Variants in AGAP1 observed in about 807,000 individuals in gnomAD.
AGAP1 encodes the protein ArfGAP with GTPase domain, ankyrin repeat and PH domain 1.
In AGAP1, 29 loss-of-function variants were observed where a neutral mutation model predicts 105.3. The observed-to-expected ratio is 0.28, with a 90% confidence interval of 0.21 to 0.38. The LOEUF is 0.38. Ranked by LOEUF, AGAP1 falls within the 10% of genes least tolerant of loss-of-function variation. The pLI, the probability that AGAP1 is intolerant of heterozygous loss-of-function variation, is 1.00. For synonymous variants in AGAP1, 509 were observed against 485.9 expected, an observed-to-expected ratio of 1.05 and a Z score of -0.63; for missense variants, 998 against 1,165.1, an observed-to-expected ratio of 0.86 and a Z score of 2.09.
At position 235,793,658 on chromosome 2, in the gene AGAP1, G is replaced by A. The variant is rs1044898754; in HGVS notation, c.674-4101G>A. On this transcript the variant is annotated intron_variant, in intron 6 of 17. Transcript: ENST00000304032. The surrounding 1 kb of genome is among the most constrained non-coding windows in gnomAD (Gnocchi z 5.3). The stretch of plus-strand genomic sequence containing the variant: ...CTGCTCAGCCTTTGAGCAGCAAAAA[G>A]GAGGAAGGGGGAGGAGGAGGAGCTG... Among the ~76,000 whole-genome samples the A allele has an allele frequency of 1.3e-5, 2 of 152,172 alleles. No individual in the cohort carries two copies. The highest frequency in any genetic ancestry group is 3.9e-4 in the East Asian group (2 of 5,168).
In AGAP1 at chr2:236,035,477, A is replaced by G. The variant is rs749043530; in HGVS notation, c.1646-1084A>G. 3.0e-4 allele frequency among the ~76,000 whole-genome samples: 46 copies of G among 152,224 alleles called. 1 individual carries two copies. Among genetic ancestry groups the G allele is most frequent in the Admixed American group, 1.1e-3 (17 of 15,290 alleles). On this transcript the variant is annotated intron_variant, in intron 13 of 17. Transcript: ENST00000304032. This position sits in a 1 kb window ranked among gnomAD's most constrained non-coding sequence, Gnocchi z 4.2. ...CCATCTCTACAAAAAATGTCTAACAATTGGCCAGGTGTGATGGTACACACC... is the reference window on the plus strand; with the variant it reads ...CCATCTCTACAAAAAATGTCTAACAGTTGGCCAGGTGTGATGGTACACACC...
Position 235,799,561 on chromosome 2 carries a change from C to CT in AGAP1, c.957+39_957+40insT. 7 of 1,603,896 alleles carry CT rather than the reference C, an allele frequency of 4.4e-6. No individual in the cohort carries two copies. Among genetic ancestry groups the CT allele is most frequent in the Non-Finnish European group, 6.0e-6 (7 of 1,172,350 alleles). ...CTGGGTGGAGATTTGAATGCGATTC[C>CT]GAAGCGTTCCCATTAACGTAAACCT... On this transcript the variant is annotated intron_variant, in intron 8 of 17. Transcript: ENST00000304032. The surrounding 1 kb of genome is among the most constrained non-coding windows in gnomAD (Gnocchi z 5.0).
chr2:235,888,162 C>T lies in AGAP1; in HGVS notation c.1155+4713C>T, dbSNP rs1171552381. On this transcript the variant is annotated intron_variant, in intron 10 of 17. Transcript: ENST00000304032. This position sits in a 1 kb window ranked among gnomAD's most constrained non-coding sequence, Gnocchi z 4.8. ...TTGGAGCAAGAGTAAACAACTGAGT[C>T]AAGTTTAAACGGAATAGGCCAATGT... 6.6e-6 allele frequency among the ~76,000 whole-genome samples: 1 copy of T among 152,046 alleles called. No homozygotes were observed. Among genetic ancestry groups the T allele is most frequent in the East Asian group, 1.9e-4 (1 of 5,186 alleles).
chr2:235,847,428 C>G (rs1431878910), intron 9 of AGAP1, among the ~76,000 whole-genome samples: 1 of 152,068 alleles, frequency 6.6e-6, no homozygotes, highest in Non-Finnish European at 1.5e-5. Flanking sequence ...TGTACATACT[C>G]AATATTAAAT....
rs2059978781 is a variant in AGAP1 at position 236,124,837 on chromosome 2, A to G, written c.*715A>G. The G allele has an allele frequency of 6.5e-6, 1 of 153,198 alleles. No homozygotes were observed. The highest frequency in any genetic ancestry group is 2.4e-5 in the African/African-American group (1 of 41,468). The allele number at this position is 153,198 out of a possible 1,614,324, so 9.5% of individuals were successfully genotyped here. ...ATTGCAATACTCTTAGAAGCACCAT[A>G]TTATCCCAGACATGTTCTTTCAAGC... On this transcript the variant is annotated 3_prime_UTR_variant, in exon 18 of 18. Coordinates refer to ENST00000304032, the MANE Select transcript of AGAP1 (RefSeq NM_001037131.3). This position sits in a 1 kb window ranked among gnomAD's most constrained non-coding sequence, Gnocchi z 5.1.
chr2:235,966,454 T>TA (rs1415203394), intron 12 of AGAP1, among the ~76,000 whole-genome samples: 1 of 152,090 alleles, frequency 6.6e-6, no homozygotes, highest in Non-Finnish European at 1.5e-5. Context: ...CCATTGATGT[T>TA]ACCTCTCACC....
In AGAP1 at chr2:235,700,165, A is replaced by G. The variant is rs1036507510; in HGVS notation, c.164-9014A>G. Among the ~76,000 whole-genome samples the G allele has an allele frequency of 1.3e-5, 2 of 152,194 alleles. No homozygotes were observed. The highest frequency in any genetic ancestry group is 4.8e-5 in the African/African-American group (2 of 41,440). On this transcript the variant is annotated intron_variant, in intron 1 of 17. Coordinates refer to ENST00000304032, the MANE Select transcript of AGAP1 (RefSeq NM_001037131.3). This position sits in a 1 kb window ranked among gnomAD's most constrained non-coding sequence, Gnocchi z 6.1. The stretch of plus-strand genomic sequence containing the variant: ...GAATTGGGGCATGGGTTTCAGGACT[A>G]TGAAGTTATTATTTATGCATTAAAT...
intron 1 of AGAP1, among the ~76,000 whole-genome samples, chr2:235,571,247 G>T (rs925244184): frequency 6.6e-6 from 1 of 152,202 alleles, no homozygotes; most frequent in Non-Finnish European, 1.5e-5. Context: ...GGGGGTTACC[G>T]TTCGACATGA....
rs953109390 is a variant in AGAP1 at position 236,048,422 on chromosome 2, G to A, written c.1892-637G>A. ...TGCAAGTCAGCGTTGGTTGCGCTGCGTGATAACCTCACCAAAGGGCCCTGC... is the reference window on the plus strand; with the variant it reads ...TGCAAGTCAGCGTTGGTTGCGCTGCATGATAACCTCACCAAAGGGCCCTGC... On this transcript the variant is annotated intron_variant, in intron 15 of 17. Transcript: ENST00000304032. 3.7e-4 allele frequency among the ~76,000 whole-genome samples: 56 copies of A among 152,250 alleles called. 1 individual carries two copies. The highest frequency in any genetic ancestry group is 3.2e-3 in the Admixed American group (49 of 15,290).
At position 235,611,272 on chromosome 2, in the gene AGAP1, A is replaced by C. The variant is rs980564516; in HGVS notation, c.164-97907A>C. Among the ~76,000 whole-genome samples the C allele has an allele frequency of 3.3e-5, 5 of 152,226 alleles. No individual in the cohort carries two copies. Among genetic ancestry groups the C allele is most frequent in the African/African-American group, 1.2e-4 (5 of 41,462 alleles). ...TTGGTTTGACTCCCTTGTGGCCCAC[A>C]CAACACTTTCGTTGGAGATGAAGAG... On this transcript the variant is annotated intron_variant, in intron 1 of 17. Transcript: ENST00000304032. The surrounding 1 kb of genome is among the most constrained non-coding windows in gnomAD (Gnocchi z 5.0).
In AGAP1 at chr2:236,114,634, G is replaced by A. The variant is rs960430614; in HGVS notation, c.2115-5558G>A. On this transcript the variant is annotated intron_variant, in intron 16 of 17. Transcript: ENST00000304032. The surrounding 1 kb of genome is among the most constrained non-coding windows in gnomAD (Gnocchi z 5.0). ...TCTCCCTGTGTCCTGCCTTTCCTCC[G>A]GGTGTGCTCAGAGGGAGAGAGACAT... 3.3e-5 allele frequency among the ~76,000 whole-genome samples: 5 copies of A among 152,100 alleles called. No individual in the cohort carries two copies. Among genetic ancestry groups the A allele is most frequent in the African/African-American group, 7.2e-5 (3 of 41,420 alleles).
intron 16 of AGAP1, among the ~76,000 whole-genome samples, chr2:236,075,634 C>T (rs2058616325): frequency 6.6e-6 from 1 of 152,070 alleles, no homozygotes; most frequent in Non-Finnish European, 1.5e-5. Flanking sequence ...CCAGGGGAAG[C>T]CCCCCAGGAG....
At chr2:235,852,693 C>A in intron 9 of AGAP1, 1 of 1,495,054 alleles carries the variant, frequency 6.7e-7, no homozygotes, top group Non-Finnish European at 8.9e-7. Context: ...CAGGGCCTGC[C>A]CTTCTTTGTC....
chr2:235,942,057 G>T (rs1254513373), intron 12 of AGAP1, among the ~76,000 whole-genome samples: 1 of 152,118 alleles, frequency 6.6e-6, no homozygotes, highest in Non-Finnish European at 1.5e-5. Context: ...CATTCCTCTA[G>T]ACTCAAGATA....
In AGAP1 at chr2:235,720,590, C is replaced by T. The variant is rs916900178; in HGVS notation, c.310+2946C>T. ...TCCTTTCCTCTTACAACTGCTAGAG[C>T]GATCAACTGGGCAGCTACTTTGAAT... On this transcript the variant is annotated intron_variant, in intron 3 of 17. Transcript: ENST00000304032. The surrounding 1 kb of genome is among the most constrained non-coding windows in gnomAD (Gnocchi z 5.0). The T allele has an allele frequency of 1.7e-5, 15 of 859,840 alleles. No homozygotes were observed. The highest frequency in any genetic ancestry group is 3.7e-5 in the African/African-American group (2 of 54,494). 53.3% of individuals were successfully genotyped at this position (859,840 alleles called of 1,614,324 possible). A position where few individuals can be genotyped will look rare whatever the true frequency, so the allele number is the denominator to read the frequency against.
intron 1 of AGAP1, among the ~76,000 whole-genome samples, chr2:235,653,499 TATAAC>T (rs138275032): frequency 0.57 from 73,672 of 129,878 alleles, 18,391 homozygotes; most frequent in Middle Eastern, 0.65. Context: ...TAAAATAAAA[TATAAC>T]ATAACATAAC....
rs1946159219 is a variant in AGAP1, at chr2:235,612,447, G to A, written c.164-96732G>A. ...CCCTGGTAATGAGATCTCAGGGGCA[G>A]CGCCTAGAGTGCTGGGCCCTTCCAG... On this transcript the variant is annotated intron_variant, in intron 1 of 17. Transcript: ENST00000304032. This position sits in a 1 kb window ranked among gnomAD's most constrained non-coding sequence, Gnocchi z 4.3. Among the ~76,000 whole-genome samples the A allele has an allele frequency of 6.6e-6, 1 of 152,228 alleles. No homozygotes were observed. Among genetic ancestry groups the A allele is most frequent in the Non-Finnish European group, 1.5e-5 (1 of 68,034 alleles).
rs2056555638 is a variant in AGAP1 at position 236,012,658 on chromosome 2, C to T, written c.1646-23903C>T. Among the ~76,000 whole-genome samples, 1 of 152,018 alleles carries T rather than the reference C, an allele frequency of 6.6e-6. No individual in the cohort carries two copies. Among genetic ancestry groups the T allele is most frequent in the Non-Finnish European group, 1.5e-5 (1 of 68,014 alleles). On this transcript the variant is annotated intron_variant, in intron 13 of 17. Coordinates refer to ENST00000304032, the MANE Select transcript of AGAP1 (RefSeq NM_001037131.3). The surrounding 1 kb of genome is among the most constrained non-coding windows in gnomAD (Gnocchi z 4.9). ...TAGGACCTTATAGATAGTGAAGAAA[C>T]CTGAAGGTATAGACATAAAGAAGTC...
rs1559419547 is a variant in AGAP1 at position 235,740,794 on chromosome 2, C to A, written c.311-169C>A. On this transcript the variant is annotated intron_variant, in intron 3 of 17. Coordinates refer to ENST00000304032, the MANE Select transcript of AGAP1 (RefSeq NM_001037131.3). The surrounding 1 kb of genome is among the most constrained non-coding windows in gnomAD (Gnocchi z 5.7). ...GGTTCTTAAAGACAAACATTTAAATCTGAGTTCGGCTCTGTTAAAATTCAG... is the reference window on the plus strand; with the variant it reads ...GGTTCTTAAAGACAAACATTTAAATATGAGTTCGGCTCTGTTAAAATTCAG... Among the ~76,000 whole-genome samples, 1 of 152,256 alleles carries A rather than the reference C, an allele frequency of 6.6e-6. No homozygotes were observed. Among genetic ancestry groups the A allele is most frequent in the Non-Finnish European group, 1.5e-5 (1 of 68,040 alleles).
Sources: gnomAD v4.1 joint callset for allele counts (sites outside exome capture counted in the v4.1 genomes callset) on GRCh38, gnomAD v4.1.1 for gene constraint, Gnocchi (gnomAD v3.1) non-coding constraint, MANE v1.5 for transcripts, NCBI Gene and HGNC (gene_info 2026-07-23, HGNC 2026-07-21) for gene names.